ASXL3: variants seen among roughly 807,000 people sequenced by gnomAD.
ASXL3 encodes putative Polycomb group protein ASXL3.
A neutral mutation model predicts 170.6 loss-of-function variants in ASXL3; 34 were observed. The observed-to-expected ratio is 0.20, with a 90% confidence interval of 0.15 to 0.27. The LOEUF (loss-of-function observed/expected upper bound fraction) is 0.27, where lower values mean the gene tolerates loss of function less well. ASXL3 is among the 10% of genes least tolerant of loss of function. ASXL3 has a pLI of 1.00. For synonymous variants in ASXL3, 1,002 were observed against 989.1 expected, an observed-to-expected ratio of 1.01 and a Z score of -0.24; for missense variants, 2,592 against 2,695.3, an observed-to-expected ratio of 0.96 and a Z score of 0.85.
chr18:33,711,834 A>T (rs1327901163), intron 8 of ASXL3, among the ~76,000 whole-genome samples: 1 of 152,178 alleles, frequency 6.6e-6, no homozygotes, highest in African/African-American at 2.4e-5. Flanking sequence ...TTTTTGGTCT[A>T]ATCACTTATA....
chr18:33,737,453 C>T (rs1239471201), intron 10 of ASXL3, among the ~76,000 whole-genome samples: 3 of 152,116 alleles, frequency 2.0e-5, no homozygotes, highest in Non-Finnish European at 4.4e-5. Context: ...CAGCATATTT[C>T]TCTACCATCT....
At chr18:33,586,372 T>C (rs779184879) in intron 1 of ASXL3, among the ~76,000 whole-genome samples, 4 of 151,692 alleles carry the variant, frequency 2.6e-5, no homozygotes, top group Admixed American at 6.6e-5. Context: ...TAAACCCTTA[T>C]TTTAACAAGT....
intron 2 of ASXL3, among the ~76,000 whole-genome samples, chr18:33,627,379 G>C (rs935357007): frequency 6.6e-5 from 10 of 152,088 alleles, no homozygotes; most frequent in Non-Finnish European, 1.2e-4. Flanking sequence ...TAATTTCTCT[G>C]TCTGAATTAA....
intron 1 of ASXL3, among the ~76,000 whole-genome samples, chr18:33,603,112 C>T (rs1397887106): frequency 6.6e-6 from 1 of 151,890 alleles, no homozygotes; most frequent in Non-Finnish European, 1.5e-5. Flanking sequence ...TTTATTTTGC[C>T]GTCAAATAAG....
chr18:33,653,941 A>G (rs1358555351), intron 4 of ASXL3, among the ~76,000 whole-genome samples: 8 of 150,522 alleles, frequency 5.3e-5, no homozygotes, highest in African/African-American at 2.0e-4. Flanking sequence ...ACTTATCCCA[A>G]CTCTTTCAAA....
Position 33,731,991 on chromosome 18 carries a change from C to G in ASXL3, c.903C>G (p.Arg301=). 6.2e-7 allele frequency: 1 copy of G among 1,612,732 alleles called. No homozygotes were observed. The highest frequency in any genetic ancestry group is 8.5e-7 in the Non-Finnish European group (1 of 1,179,476). ...DRQMGSDGIL[R]LSTSALNNEF... ...AGATGGGAAGTGATGGAATTTTACG[C>G]CTCAGTACTTCAGCTCTAAATAATG... The change falls in exon 9 of 12, where the codon CGC becomes CGG. Residue 301 remains arginine (R), a synonymous_variant. Coordinates refer to ENST00000269197, the MANE Select transcript of ASXL3 (RefSeq NM_030632.3).
Position 33,743,087 on chromosome 18 carries a change from C to G in ASXL3, c.3239C>G (p.Ala1080Gly), listed in dbSNP as rs749044544. 1.9e-6 allele frequency: 3 copies of G among 1,613,162 alleles called. No individual in the cohort carries two copies. Among genetic ancestry groups the G allele is most frequent in the Admixed American group, 1.7e-5 (1 of 59,948 alleles). The change falls in exon 12 of 12, where the codon GCG (alanine) becomes GGG (glycine). Residue 1080 changes from alanine (A) to glycine (G), a missense_variant. Transcript: ENST00000269197. ...AAAAAAVAAA[A>G]SIVSGAMGSP... is the part of the protein sequence containing the mutation. ...GCAGCTGCTGCTGTGGCTGCTGCAG[C>G]GAGCATTGTCTCTGGAGCCATGGGA...
intron 2 of ASXL3, among the ~76,000 whole-genome samples, chr18:33,634,211 C>G (rs1446820220): frequency 6.6e-6 from 1 of 151,936 alleles, no homozygotes; most frequent in Non-Finnish European, 1.5e-5. Context: ...AGAGAAGAGT[C>G]ACATTGTGAG....
At chr18:33,718,472 G>A (rs1408918945) in intron 8 of ASXL3, among the ~76,000 whole-genome samples, 1 of 152,096 alleles carries the variant, frequency 6.6e-6, no homozygotes, top group African/African-American at 2.4e-5. Flanking sequence ...GGGAGTGAGT[G>A]AGGTTAGTTT....
intron 7 of ASXL3, among the ~76,000 whole-genome samples, chr18:33,681,514 CTTTATTGA>C (rs1255173392): frequency 6.6e-6 from 1 of 151,870 alleles, no homozygotes; most frequent in Non-Finnish European, 1.5e-5. Flanking sequence ...ATGTCACTGT[CTTTATTGA>C]TTTATTGATA....
intron 10 of ASXL3, among the ~76,000 whole-genome samples, chr18:33,734,782 C>T (rs1247316396): frequency 2.6e-5 from 4 of 152,114 alleles, no homozygotes; most frequent in Non-Finnish European, 2.9e-5. Flanking sequence ...ATTTAATTCT[C>T]ACACTTTTCT....
intron 8 of ASXL3, among the ~76,000 whole-genome samples, chr18:33,713,037 T>C (rs2067094353): frequency 4.6e-5 from 7 of 151,964 alleles, no homozygotes. Flanking sequence ...ACAAGTTACA[T>C]ACATCACACG....
chr18:33,612,449 A>G (rs963622494), intron 2 of ASXL3, among the ~76,000 whole-genome samples: 2 of 152,124 alleles, frequency 1.3e-5, no homozygotes, highest in African/African-American at 4.8e-5. Flanking sequence ...AGATTTCATG[A>G]TGTAGAACAT....
At chr18:33,622,515 A>T (rs888499403) in intron 2 of ASXL3, among the ~76,000 whole-genome samples, 4 of 152,196 alleles carry the variant, frequency 2.6e-5, no homozygotes, top group African/African-American at 9.6e-5. Flanking sequence ...TTGCATGGGT[A>T]TCATGGAGTC....
chr18:33,677,423 G>C (rs1356932938), intron 7 of ASXL3, among the ~76,000 whole-genome samples: 1 of 152,038 alleles, frequency 6.6e-6, no homozygotes, highest in East Asian at 1.9e-4. Context: ...ATTAATTTTA[G>C]ATTAAATAAA....
At chr18:33,593,040 CGTT>C (rs1392814844) in intron 1 of ASXL3, among the ~76,000 whole-genome samples, 22 of 151,986 alleles carry the variant, frequency 1.4e-4, no homozygotes, top group African/African-American at 4.6e-4. Context: ...GTAGAACAAT[CGTT>C]GTAAACAAGG....
At position 33,671,852 on chromosome 18, in the gene ASXL3, A is replaced by G. The variant is rs1568318331; in HGVS notation, c.701A>G (p.Lys234Arg). The change falls in exon 7 of 12, where the codon AAA (lysine) becomes AGA (arginine). Residue 234 changes from lysine (K) to arginine (R), a missense_variant. This residue lies in a region of ASXL3 where 251 missense variants were observed against 281.9 expected (regional missense o/e 0.89). Coordinates refer to ENST00000269197, the MANE Select transcript of ASXL3 (RefSeq NM_030632.3). ...ACAAGTCAGCACTTAAAACGATTAAAAAAGTCTGGTTTAGGTGAGTGTTTA... is the reference window on the plus strand; with the variant it reads ...ACAAGTCAGCACTTAAAACGATTAAGAAAGTCTGGTTTAGGTGAGTGTTTA... ...KQTSQHLKRL[K>R]KSGLGHLKWT... is the part of the protein sequence containing the mutation. 6.2e-7 allele frequency: 1 copy of G among 1,608,118 alleles called. No homozygotes were observed. Among genetic ancestry groups the G allele is most frequent in the Non-Finnish European group, 8.5e-7 (1 of 1,177,394 alleles).
At chr18:33,708,041 T>C (rs58304058) in intron 8 of ASXL3, among the ~76,000 whole-genome samples, 12,041 of 152,252 alleles carry the variant, frequency 0.079, 520 homozygotes, top group African/African-American at 0.084. Flanking sequence ...TTGTTGTAAA[T>C]TTTTACAGTT....
Position 33,747,768 on chromosome 18 carries a change from GT to G in ASXL3, c.*1177del, listed in dbSNP as rs2067820143. ...AAAAAAACTGTTCTAGGTATGGCAT[GT>G]TTTGTTTTTTCCCTCAGGTATATTC... On this transcript the variant is annotated 3_prime_UTR_variant, in exon 12 of 12. Coordinates refer to ENST00000269197, the MANE Select transcript of ASXL3 (RefSeq NM_030632.3). 1 of 152,152 alleles carries G rather than the reference GT, an allele frequency of 6.6e-6. No homozygotes were observed. Among genetic ancestry groups the G allele is most frequent in the African/African-American group, 2.4e-5 (1 of 41,446 alleles). 9.4% of individuals were successfully genotyped at this position (152,152 alleles called of 1,614,324 possible).
Sources: allele counts gnomAD v4.1 joint callset (sites outside exome capture counted in the v4.1 genomes callset), GRCh38; gene constraint gnomAD v4.1.1; regional missense constraint gnomAD v4.1.1; transcripts MANE v1.5; gene names NCBI Gene and HGNC (gene_info 2026-07-23, HGNC 2026-07-21).